Variants in SETD1B observed in about 807,000 individuals in gnomAD.
SETD1B encodes histone-lysine N-methyltransferase SETD1B.
Under a neutral mutation model 148.0 loss-of-function variants are expected in SETD1B, and 7 were observed. The observed-to-expected ratio is 0.05, with a 90% confidence interval of 0.03 to 0.09. SETD1B has a LOEUF of 0.09. SETD1B is among the 10% of genes least tolerant of loss of function. SETD1B has a pLI of 1.00. For synonymous variants in SETD1B, 1,361 were observed against 1,186.5 expected (o/e 1.15, Z -3.02); for missense variants, 2,155 against 2,729.9 (o/e 0.79, Z 4.69).
At chr12:121,809,450 ACTC>A (rs1284882962) in intron 5 of SETD1B, among the ~76,000 whole-genome samples, 150 bp from the exon 6 acceptor site, 2 of 151,682 alleles carry the variant, frequency 1.3e-5, no homozygotes, top group Non-Finnish European at 2.9e-5. Context: ...CCATCCTGAC[ACTC>A]CTCCTCAATC....
In SETD1B at chr12:121,817,044, C is replaced by G. The variant is rs1306320925; in HGVS notation, c.2727C>G (p.Thr909=). The change falls in exon 8 of 17, where the codon ACC becomes ACG. Residue 909 remains threonine, a synonymous_variant. Transcript: ENST00000604567. This position sits in a 1 kb window ranked among gnomAD's most constrained non-coding sequence, Gnocchi z 8.1. The stretch of plus-strand genomic sequence containing the variant: ...TGTCTCCACCCCAGGCCTCGCTGAC[C>G]CCGGTGAAGTCGGGCGAGCACAAGG... ...KKERMAKASL[T]PVKSGEHKDE... The G allele has an allele frequency of 2.0e-6, 3 of 1,527,044 alleles. No individual in the cohort carries two copies. The highest frequency in any genetic ancestry group is 2.4e-5 in the South Asian group (2 of 82,352). 94.6% of individuals were successfully genotyped at this position (1,527,044 alleles called of 1,614,324 possible).
chr12:121,815,460 C>T (rs1876247159), intron 7 of SETD1B, among the ~76,000 whole-genome samples: 2 of 151,872 alleles, frequency 1.3e-5, no homozygotes, highest in African/African-American at 2.4e-5. Context: ...ACTCCCCTCA[C>T]CTCCCCTCAT....
intron 12 of SETD1B, 140 bp from the exon 13 acceptor site, chr12:121,825,060 A>G: frequency 1.3e-6 from 1 of 789,210 alleles, no homozygotes; most frequent in Non-Finnish European, 2.0e-6. Context: ...GCGGGCAGCC[A>G]CGTGGAGGTG....
chr12:121,805,690 T>A lies in SETD1B; in HGVS notation c.274-145T>A, dbSNP rs148875998. 0.016 allele frequency: 279 copies of A among 17,244 alleles called. No individual in the cohort carries two copies. Among genetic ancestry groups the A allele is most frequent in the Middle Eastern group, 0.077 (2 of 26 alleles). The allele number at this position is 17,244 out of a possible 1,614,324, so 1.1% of individuals were successfully genotyped here. A position where few individuals can be genotyped will look rare whatever the true frequency, so the allele number is the denominator to read the frequency against. On this transcript the variant is annotated intron_variant, in intron 3 of 16. Transcript: ENST00000604567. This position sits in a 1 kb window ranked among gnomAD's most constrained non-coding sequence, Gnocchi z 4.2. Reference sequence around the variant, plus strand: ...GTGCATTTTTTTTTTCCAAAAAAAATTTTTTTTTTTTTTTTAATTTTTAGT... The same window carrying A: ...GTGCATTTTTTTTTTCCAAAAAAAAATTTTTTTTTTTTTTTAATTTTTAGT...
the SETD1B span, chr12:121,793,462 C>G: frequency 6.5e-7 from 1 of 1,537,660 alleles, no homozygotes; most frequent in Non-Finnish European, 8.7e-7. Context: ...AGGGGCGTCC[C>G]TCGCCCCCAC....
the SETD1B span, among the ~76,000 whole-genome samples, chr12:121,792,797 TCA>T: frequency 6.6e-6 from 1 of 152,276 alleles, no homozygotes; most frequent in East Asian, 1.9e-4. Context: ...AATCTGCAGC[TCA>T]CAGAGTCTGC....
chr12:121,831,898 T>G lies in SETD1B; in HGVS notation c.*1659T>G, dbSNP rs1490206003. ...GGTTTTGTTGTGTGTTTTTTGTTGTTTTTTTTTTATTCCTTTCCCCCAGGC... is the reference window on the plus strand; with the variant it reads ...GGTTTTGTTGTGTGTTTTTTGTTGTGTTTTTTTTATTCCTTTCCCCCAGGC... On this transcript the variant is annotated 3_prime_UTR_variant, in exon 17 of 17. Transcript: ENST00000604567. The G allele has an allele frequency of 2.0e-5, 3 of 150,428 alleles. No homozygotes were observed. The highest frequency in any genetic ancestry group is 3.0e-5 in the Non-Finnish European group (2 of 67,642). 9.3% of individuals were successfully genotyped at this position (150,428 alleles called of 1,614,324 possible). A position where few individuals can be genotyped will look rare whatever the true frequency, so the allele number is the denominator to read the frequency against.
intron 13 of SETD1B, 119 bp downstream of exon 13, chr12:121,825,485 C>T (rs1369584381): frequency 3.6e-6 from 3 of 837,898 alleles, no homozygotes; most frequent in African/African-American, 3.5e-5. Flanking sequence ...GGCTGGCACA[C>T]AGAGGGTGCA....
rs1188847983 is a variant in SETD1B at position 121,810,588 on chromosome 12, C to G, written c.1643C>G (p.Thr548Ser). ...SQLSPLAPFGTNSQPGFRGPT... is the reference protein window; with the variant it reads ...SQLSPLAPFGSNSQPGFRGPT... ...CTCTCCCCACTGGCCCCCTTTGGCA[C>G]CAACTCCCAGCCAGGCTTCCGGGGC... Residue 548 changes from threonine to serine, a missense_variant, in exon 6 of 17, where the codon ACC (threonine) becomes AGC (serine). Thr to Ser is a moderately conservative substitution (Grantham distance 58). Transcript: ENST00000604567. This position sits in a 1 kb window ranked among gnomAD's most constrained non-coding sequence, Gnocchi z 7.6. The G allele has an allele frequency of 1.9e-6, 3 of 1,548,332 alleles. No individual in the cohort carries two copies. Among genetic ancestry groups the G allele is most frequent in the Non-Finnish European group, 2.6e-6 (3 of 1,146,844 alleles).
chr12:121,823,536 C>T lies in SETD1B; in HGVS notation c.4957C>T (p.Leu1653=). Residue 1653 remains leucine (L), a synonymous_variant, in exon 12 of 17, where the codon CTG becomes TTG. Coordinates refer to ENST00000604567, the MANE Select transcript of SETD1B (RefSeq NM_001353345.2). The part of the protein sequence containing the change: ...RRPPKKRHED[L]VPPAGSPELS... ...GCCACCTAAGAAGCGCCATGAGGAC[C>T]TGGTGCCACCTGCGGGCTCGCCCGA... 6.4e-7 allele frequency: 1 copy of T among 1,551,214 alleles called. No homozygotes were observed. Among genetic ancestry groups the T allele is most frequent in the Non-Finnish European group, 8.7e-7 (1 of 1,146,922 alleles).
At chr12:121,800,709 G>A (rs1232124163), upstream of SETD1B, 4 of 148,282 alleles carry the variant, frequency 2.7e-5, no homozygotes, top group Non-Finnish European at 4.5e-5. Flanking sequence ...CGCGCGAAAT[G>A]GCGCCCATCA....
chr12:121,826,938 G>A (rs1376212387), intron 13 of SETD1B, among the ~76,000 whole-genome samples: 1 of 151,924 alleles, frequency 6.6e-6, no homozygotes, highest in Non-Finnish European at 1.5e-5. Context: ...GAGTTCTGCG[G>A]GTTCTGAAAA....
rs766332323 is a variant in SETD1B, at chr12:121,817,764, C to T, written c.3313-35C>T. 46 of 1,541,622 alleles carry T rather than the reference C, an allele frequency of 3.0e-5. No individual in the cohort carries two copies. The highest frequency in any genetic ancestry group is 2.3e-4 in the South Asian group (19 of 82,868). ...GCCAGGCGACGAGGGCCAGACCCTT[C>T]GGCTCACCTGTCCCCACTCTTCCTT... is the stretch of plus-strand genomic sequence containing the variant. On this transcript the variant is annotated intron_variant, in intron 9 of 16. Transcript: ENST00000604567. The surrounding 1 kb of genome is among the most constrained non-coding windows in gnomAD (Gnocchi z 8.1).
At chr12:121,798,736 G>C in the SETD1B span, among the ~76,000 whole-genome samples, 1 of 152,212 alleles carries the variant, frequency 6.6e-6, no homozygotes, top group African/African-American at 2.4e-5. Context: ...AGGGGAGGTG[G>C]TGTGATCAGG....
chr12:121,829,665 C>T (rs1340226419), intron 16 of SETD1B, among the ~76,000 whole-genome samples: 1 of 152,184 alleles, frequency 6.6e-6, no homozygotes, highest in Admixed American at 6.5e-5. Flanking sequence ...GTAACAAAAG[C>T]AGCCACAAAT....
rs1875664071 is a variant in SETD1B, at chr12:121,805,135, G to A, written c.192G>A (p.Pro64=). ...HFSLAMSSNR[P]VEIVEDPRVV... is the part of the protein sequence containing the mutation. ...CCCCACAGATGTCCAGCAACCGCCC[G>A]GTGGAAATTGTCGAAGATCCCCGGG... is the stretch of plus-strand genomic sequence containing the variant. The change falls in exon 3 of 17, where the codon CCG becomes CCA. Residue 64 remains proline, a synonymous_variant. Coordinates refer to ENST00000604567, the MANE Select transcript of SETD1B (RefSeq NM_001353345.2). The surrounding 1 kb of genome is among the most constrained non-coding windows in gnomAD (Gnocchi z 4.2). 5.2e-6 allele frequency: 8 copies of A among 1,551,668 alleles called. No individual in the cohort carries two copies. Among genetic ancestry groups the A allele is most frequent in the East Asian group, 2.4e-5 (1 of 40,918 alleles).
intron 10 of SETD1B, 145 bp downstream of exon 10, chr12:121,818,049 G>A (rs1247197951): frequency 5.1e-6 from 4 of 784,580 alleles, no homozygotes; most frequent in Non-Finnish European, 7.9e-6. Flanking sequence ...ACAGGGTGGC[G>A]TACGGTTCCA....
chr12:121,827,094 C>T (rs1876877418), intron 13 of SETD1B, among the ~76,000 whole-genome samples: 10 of 151,946 alleles, frequency 6.6e-5, no homozygotes, highest in Admixed American at 6.6e-4. Flanking sequence ...TGGGAGGGCA[C>T]TTGGGGCAGA....
chr12:121,814,083 G>C lies in SETD1B; in HGVS notation c.1891-23G>C, dbSNP rs1442308944. 2.0e-6 allele frequency: 3 copies of C among 1,537,624 alleles called. No homozygotes were observed. In the South Asian group the frequency reaches 3.6e-5, roughly 18 times the overall value. ...CTTGGCCTTCCAGACTCACCTCACT[G>C]TCTCTCCCTGCTCTCTCTGCAGGGC... On this transcript the variant is annotated intron_variant, in intron 6 of 16. Coordinates refer to ENST00000604567, the MANE Select transcript of SETD1B (RefSeq NM_001353345.2).
Sources: allele counts gnomAD v4.1 joint callset (sites outside exome capture counted in the v4.1 genomes callset), GRCh38; gene constraint gnomAD v4.1.1; non-coding constraint Gnocchi (gnomAD v3.1); transcripts MANE v1.5; gene names NCBI Gene and HGNC (gene_info 2026-07-23, HGNC 2026-07-21).